Variants in ERBB4 observed in about 807,000 individuals in gnomAD.
ERBB4 encodes erb-b2 receptor tyrosine kinase 4.
In ERBB4, 42 loss-of-function variants were observed where a neutral mutation model predicts 158.0. The ratio of observed to expected loss-of-function variants is 0.27; its 90% CI spans 0.21 to 0.34. The LOEUF is 0.34. Among genes scored for constraint, ERBB4 ranks in the 10% least tolerant of loss-of-function variants. The pLI, the probability that ERBB4 is intolerant of heterozygous loss-of-function variation, is 1.00. For missense variants in ERBB4, 1,333 were observed against 1,624.1 expected (o/e 0.82, Z 3.08); for synonymous variants, 583 against 558.7 (o/e 1.04, Z -0.61).
intron 20 of ERBB4, 51 bp downstream of exon 20, chr2:211,561,852 G>A (rs1352150437): frequency 6.7e-7 from 1 of 1,488,692 alleles, no homozygotes. Flanking sequence ...TTCCAGGTTA[G>A]GAAATATTAA....
chr2:211,807,063 T>C (rs1040547291), intron 3 of ERBB4, among the ~76,000 whole-genome samples: 3 of 152,070 alleles, frequency 2.0e-5, no homozygotes, highest in Admixed American at 1.3e-4. Flanking sequence ...ATTAATTATA[T>C]TTTAAATATA....
At chr2:212,082,591 C>A (rs1229710776) in intron 2 of ERBB4, among the ~76,000 whole-genome samples, 1 of 151,870 alleles carries the variant, frequency 6.6e-6, no homozygotes, top group Non-Finnish European at 1.5e-5. Context: ...TTCTGACTTC[C>A]TATAAGAATA....
At chr2:212,387,687 G>A (rs2090724374) in intron 1 of ERBB4, among the ~76,000 whole-genome samples, 1 of 152,024 alleles carries the variant, frequency 6.6e-6, no homozygotes, top group Non-Finnish European at 1.5e-5. Flanking sequence ...CAAAGTGCTG[G>A]GATTACAGGT....
chr2:212,195,019 C>G (rs1171930381), intron 1 of ERBB4, among the ~76,000 whole-genome samples: 1 of 151,898 alleles, frequency 6.6e-6, no homozygotes, highest in Non-Finnish European at 1.5e-5. Context: ...ATGGATTGCC[C>G]TCATGCTACT....
chr2:211,836,019 T>G (rs1443631048), intron 3 of ERBB4, among the ~76,000 whole-genome samples: 1 of 152,054 alleles, frequency 6.6e-6, no homozygotes, highest in Non-Finnish European at 1.5e-5. Flanking sequence ...TATTGCTACT[T>G]AAAAGGCAAA....
chr2:212,245,966 G>A (rs1689113383), intron 1 of ERBB4, among the ~76,000 whole-genome samples: 1 of 152,088 alleles, frequency 6.6e-6, no homozygotes, highest in Non-Finnish European at 1.5e-5. Context: ...ATTTTCAAAG[G>A]ATGTAGGCAT....
chr2:212,329,541 CAGG>C (rs1198390309), intron 1 of ERBB4, among the ~76,000 whole-genome samples: 1 of 151,940 alleles, frequency 6.6e-6, no homozygotes, highest in Non-Finnish European at 1.5e-5. Flanking sequence ...TCATGTAACC[CAGG>C]AGTTCTCCAC....
chr2:212,219,982 A>T (rs2083241892), intron 1 of ERBB4, among the ~76,000 whole-genome samples: 2 of 149,074 alleles, frequency 1.3e-5, no homozygotes, highest in African/African-American at 4.9e-5. Flanking sequence ...GGGATTTTTC[A>T]TCAGTGTTGC....
At chr2:211,872,153 A>C (rs780361306) in intron 3 of ERBB4, among the ~76,000 whole-genome samples, 2 of 152,232 alleles carry the variant, frequency 1.3e-5, no homozygotes, top group Non-Finnish European at 2.9e-5. Context: ...TCAAATGAAA[A>C]AATACATATA....
chr2:211,824,450 C>A (rs749706998), intron 3 of ERBB4, among the ~76,000 whole-genome samples: 1 of 151,906 alleles, frequency 6.6e-6, no homozygotes, highest in Non-Finnish European at 1.5e-5. Flanking sequence ...CAAATCATAC[C>A]ATTTAGACAA....
chr2:211,483,907 C>T (rs1261315516), intron 20 of ERBB4, among the ~76,000 whole-genome samples: 1 of 151,964 alleles, frequency 6.6e-6, no homozygotes, highest in Non-Finnish European at 1.5e-5. Context: ...TAAAGAGCAA[C>T]ATATTTAAAG....
intron 2 of ERBB4, among the ~76,000 whole-genome samples, chr2:212,071,600 T>C (rs2078120054): frequency 6.6e-6 from 1 of 152,000 alleles, no homozygotes; most frequent in South Asian, 2.1e-4. Flanking sequence ...TTAAAGCGTG[T>C]AGTTTTACAT....
intron 1 of ERBB4, among the ~76,000 whole-genome samples, chr2:212,419,053 A>G (rs1054198860): frequency 6.6e-6 from 1 of 151,722 alleles, no homozygotes; most frequent in Non-Finnish European, 1.5e-5. Context: ...CTTTATTCAT[A>G]TTCGCACAGT....
chr2:212,041,048 G>A (rs1372697014), intron 2 of ERBB4, among the ~76,000 whole-genome samples: 4 of 152,002 alleles, frequency 2.6e-5, no homozygotes, highest in South Asian at 4.1e-4. Flanking sequence ...AGTTCTATCA[G>A]TGGGAGTTAC....
chr2:212,058,000 T>A (rs2077634307), intron 2 of ERBB4, among the ~76,000 whole-genome samples: 1 of 136,582 alleles, frequency 7.3e-6, no homozygotes, highest in Admixed American at 7.8e-5. Context: ...GAGCTGGTTG[T>A]TTTTGGAAAA....
At chr2:212,434,813 GAGCAATGTAAATGTGC>G (rs2092102696) in intron 1 of ERBB4, among the ~76,000 whole-genome samples, 1 of 151,936 alleles carries the variant, frequency 6.6e-6, no homozygotes, top group Non-Finnish European at 1.5e-5. Flanking sequence ...CAACTGAGAA[GAGCAATGTAAATGTGC>G]AGCTATTCTA....
At position 211,376,927 on chromosome 2, in the gene ERBB4, C is replaced by G. The variant is rs1395904201; in HGVS notation, c.*6688G>C. The stretch of plus-strand genomic sequence containing the variant: ...AGACAGGCATTCAAAGTTAGCTGCC[C>G]TCACACAGCTGCTCCGTTTAATAAT... On this transcript the variant is annotated 3_prime_UTR_variant, in exon 28 of 28. Transcript: ENST00000342788. 1 of 233,214 alleles carries G rather than the reference C, an allele frequency of 4.3e-6. No individual in the cohort carries two copies. The highest frequency in any genetic ancestry group is 2.2e-5 in the African/African-American group (1 of 45,304). The allele number at this position is 233,214 out of a possible 1,614,324, so 14.4% of individuals were successfully genotyped here. A position where few individuals can be genotyped will look rare whatever the true frequency, so the allele number is the denominator to read the frequency against.
chr2:212,151,067 A>G (rs1325315628), intron 1 of ERBB4, among the ~76,000 whole-genome samples: 1 of 152,050 alleles, frequency 6.6e-6, no homozygotes, highest in Non-Finnish European at 1.5e-5. Flanking sequence ...TCATATATTA[A>G]ATATGAATGA....
At chr2:212,170,709 A>G (rs1396032444) in intron 1 of ERBB4, among the ~76,000 whole-genome samples, 1 of 152,076 alleles carries the variant, frequency 6.6e-6, no homozygotes, top group Non-Finnish European at 1.5e-5. Context: ...TTGCTTGGTC[A>G]TTGCCCGAGC....
Sources: allele counts gnomAD v4.1 joint callset (sites outside exome capture counted in the v4.1 genomes callset), GRCh38; gene constraint gnomAD v4.1.1; transcripts MANE v1.5; gene names NCBI Gene and HGNC (gene_info 2026-07-23, HGNC 2026-07-21).